The following DACT2 variants were observed in gnomAD, a reference collection of about 807,000 sequenced individuals.
DACT2 encodes dapper homolog 2.
In DACT2, 20 loss-of-function variants were observed where a neutral mutation model predicts 22.2. That is an observed-to-expected ratio of 0.90 (90% confidence interval 0.63 to 1.31). The LOEUF (loss-of-function observed/expected upper bound fraction) is 1.31, where lower values mean the gene tolerates loss of function less well. DACT2 is among the 50% of genes most tolerant of loss of function. The pLI is 0.00. For missense variants in DACT2, 1,048 were observed against 1,061.4 expected (o/e 0.99, Z 0.18); for synonymous variants, 463 against 479.8 (o/e 0.96, Z 0.46).
downstream of DACT2, among the ~76,000 whole-genome samples, chr6:168,302,325 G>C (rs1779125879): frequency 6.6e-6 from 1 of 150,732 alleles, no homozygotes; most frequent in Non-Finnish European, 1.5e-5. Context: ...CCCCAAATGT[G>C]TAAGGAATGT....
chr6:168,302,284 G>A (rs1307774441), downstream of DACT2, among the ~76,000 whole-genome samples: 1 of 152,184 alleles, frequency 6.6e-6, no homozygotes, highest in Non-Finnish European at 1.5e-5. Flanking sequence ...CTAAAACTCT[G>A]CTCCAGCTGG....
intron 3 of DACT2, among the ~76,000 whole-genome samples, chr6:168,297,864 C>G (rs925561467): frequency 6.6e-6 from 1 of 152,252 alleles, no homozygotes; most frequent in Non-Finnish European, 1.5e-5. Context: ...AAGGGCAGCA[C>G]GGGGCAGACA....
chr6:168,313,130 T>C (rs1779461819), intron 1 of DACT2, among the ~76,000 whole-genome samples: 1 of 152,150 alleles, frequency 6.6e-6, no homozygotes, highest in Non-Finnish European at 1.5e-5. Context: ...CACTGCAAGC[T>C]CCACCTCCCG....
intron 3 of DACT2, chr6:168,300,297 G>A (rs568440338): frequency 6.6e-6 from 1 of 152,502 alleles, no homozygotes; most frequent in Admixed American, 6.5e-5. Context: ...AGCCTTGGGA[G>A]CGTCCCTCCA....
rs777886087 is a variant in DACT2, at chr6:168,308,790, G to A, written c.967C>T (p.Leu323Phe). The A allele has an allele frequency of 5.8e-6, 9 of 1,551,350 alleles. No homozygotes were observed. Among genetic ancestry groups the A allele is most frequent in the East Asian group, 2.4e-5 (1 of 40,930 alleles). The change falls in exon 4 of 4, where the codon CTC becomes TTC. Residue 323 changes from leucine to phenylalanine, a missense_variant. By Grantham distance (22) the Leu-to-Phe change is conservative. Transcript: ENST00000366795. ...GLNTIQTGPV[L>F]EAGPARARAY... ...CTGGCCCTGGCCGGGCCAGCCTCGAGGACCGGCCCAGTCTGGATGGTGTTC... is the reference window on the plus strand; with the variant it reads ...CTGGCCCTGGCCGGGCCAGCCTCGAAGACCGGCCCAGTCTGGATGGTGTTC...
intron 2 of DACT2, among the ~76,000 whole-genome samples, chr6:168,310,829 G>A (rs1352030857): frequency 6.6e-6 from 1 of 152,134 alleles, no homozygotes; most frequent in African/African-American, 2.4e-5. Flanking sequence ...CTTCCCTGGT[G>A]CCTGCCAAGT....
chr6:168,296,244 A>G lies in DACT2; in HGVS notation c.659-1540T>C, dbSNP rs10081076. On this transcript the variant is annotated intron_variant, in intron 3 of 5. Transcript: ENST00000366796. ...AGGCACCCGGAATCAGGGAAAGAGC[A>G]GATCCATCCACAGTGGTGAGAAGAT... Among the ~76,000 whole-genome samples the G allele has an allele frequency of 6.8e-4, 98 of 143,234 alleles. 1 individual carries two copies. The highest frequency in any genetic ancestry group is 1.2e-3 in the Non-Finnish European group (81 of 66,168). The allele number at this position is 143,234 out of a possible 152,430, so 94.0% of individuals were successfully genotyped here. A position where few individuals can be genotyped will look rare whatever the true frequency, so the allele number is the denominator to read the frequency against.
At chr6:168,311,597 T>TCACACAAACACACACACCCATACAC (rs1554271725) in intron 1 of DACT2, among the ~76,000 whole-genome samples, 1 of 100,464 alleles carries the variant, frequency 1.0e-5, no homozygotes, top group Non-Finnish European at 2.1e-5. Flanking sequence ...CACACACACA[T>TCACACAAACACACACACCCATACAC]ACACACACAC....
chr6:168,301,676 G>A (rs144418866), intron 3 of DACT2, among the ~76,000 whole-genome samples: 1,593 of 152,334 alleles, frequency 0.01, 8 homozygotes, highest in Non-Finnish European at 0.015. Context: ...CCAGAGCCTG[G>A]CCTCCAACAG....
rs1181999603 is a variant in DACT2 at position 168,307,915 on chromosome 6, C to T, written c.1842G>A (p.Glu614=). The change falls in exon 4 of 4, where the codon GAG becomes GAA. Residue 614 remains glutamate (E), a synonymous_variant. Transcript: ENST00000366795. The surrounding 1 kb of genome is among the most constrained non-coding windows in gnomAD (Gnocchi z 5.3). ...RKHRRWQSTV[E]ISARARLASC... ...TGGCCAGGCGGGCCCGGGCCGAGAT[C>T]TCCACGGTGGACTGCCAGCGGCGAT... 6.5e-7 allele frequency: 1 copy of T among 1,545,048 alleles called. No individual in the cohort carries two copies. The highest frequency in any genetic ancestry group is 1.2e-5 in the South Asian group (1 of 84,018).
At chr6:168,311,814 A>C (rs939565967) in intron 1 of DACT2, among the ~76,000 whole-genome samples, 3 of 152,210 alleles carry the variant, frequency 2.0e-5, no homozygotes, top group Admixed American at 6.5e-5. Flanking sequence ...ATCAAAAACA[A>C]CACCTCCTTT....
chr6:168,293,711 C>A lies in DACT2; in HGVS notation c.*183G>T, dbSNP rs113281393. The A allele has an allele frequency of 3.1e-3, 1,873 of 609,134 alleles. 21 individuals carry two copies. Among genetic ancestry groups the A allele is most frequent in the African/African-American group, 0.029 (1,608 of 54,568 alleles). 37.7% of individuals were successfully genotyped at this position (609,134 alleles called of 1,614,324 possible). A position where few individuals can be genotyped will look rare whatever the true frequency, so the allele number is the denominator to read the frequency against. On this transcript the variant is annotated 3_prime_UTR_variant, in exon 6 of 6. Transcript: ENST00000366796. ...TCCACGTAAAGGAAATTCCACTGAC[C>A]AGCAGTCCTTTCTGGACACTTCTCT...
intron 3 of DACT2, chr6:168,298,047 T>A (rs959622419): frequency 6.6e-6 from 1 of 152,242 alleles, no homozygotes; most frequent in African/African-American, 2.4e-5. Context: ...TATCCTGATG[T>A]AATATTGAGT....
chr6:168,311,666 A>G (rs1243461297), intron 1 of DACT2, among the ~76,000 whole-genome samples: 2 of 144,502 alleles, frequency 1.4e-5, no homozygotes, highest in African/African-American at 5.1e-5. Flanking sequence ...ACCCATACAC[A>G]CATATACACA....
chr6:168,308,600 C>A lies in DACT2; in HGVS notation c.1157G>T (p.Arg386Met). 6.5e-7 allele frequency: 1 copy of A among 1,546,148 alleles called. No individual in the cohort carries two copies. The highest frequency in any genetic ancestry group is 8.7e-7 in the Non-Finnish European group (1 of 1,146,960). ...CTGAGCTGGCCCTCCCTCGTCCTCC[C>A]TCCCTGGGGCGAAGACCAGCAGTCG... is the stretch of plus-strand genomic sequence containing the variant. The part of the protein sequence containing the change: ...GGRLLVFAPG[R>M]EDEGGPAQSR... The change falls in exon 4 of 4, where the codon AGG becomes ATG. Residue 386 changes from arginine to methionine, a missense_variant. Coordinates refer to ENST00000366795, the MANE Select transcript of DACT2 (RefSeq NM_214462.5).
At chr6:168,301,640 C>T (rs889554263) in intron 3 of DACT2, among the ~76,000 whole-genome samples, 1 of 152,206 alleles carries the variant, frequency 6.6e-6, no homozygotes, top group Admixed American at 6.5e-5. Context: ...CCAGGATGCC[C>T]GCCTCTCATT....
chr6:168,298,434 A>C (rs1779044101), intron 3 of DACT2: 1 of 152,238 alleles, frequency 6.6e-6, no homozygotes, highest in Non-Finnish European at 1.5e-5. Flanking sequence ...AAAGGCAATG[A>C]ACCAATAGAA....
intron 1 of DACT2, among the ~76,000 whole-genome samples, chr6:168,316,098 TAAAC>T (rs1172852254): frequency 2.0e-5 from 3 of 152,214 alleles, no homozygotes; most frequent in Non-Finnish European, 4.4e-5. Flanking sequence ...AATAATAAAA[TAAAC>T]AAAAATCTGT....
intron 1 of DACT2, among the ~76,000 whole-genome samples, chr6:168,314,238 C>A (rs1455406333): frequency 6.6e-6 from 1 of 152,244 alleles, no homozygotes; most frequent in Non-Finnish European, 1.5e-5. Context: ...CCGTGCTCCA[C>A]TTCCCTCTGC....
Sources: gnomAD v4.1 joint callset for allele counts (sites outside exome capture counted in the v4.1 genomes callset) on GRCh38, gnomAD v4.1.1 for gene constraint, Gnocchi (gnomAD v3.1) non-coding constraint, MANE v1.5 for transcripts, NCBI Gene and HGNC (gene_info 2026-07-23, HGNC 2026-07-21) for gene names.